The following ROR2 variants were observed in gnomAD, a reference collection of about 807,000 sequenced individuals.
The protein encoded by ROR2 is ROR family WNT receptor 2, also known as tyrosine-protein kinase transmembrane receptor ROR2.
A neutral mutation model predicts 74.9 loss-of-function variants in ROR2; 33 were observed. That is an observed-to-expected ratio of 0.44 (90% CI 0.33 to 0.59). The LOEUF (loss-of-function observed/expected upper bound fraction) is 0.59, where lower values mean the gene tolerates loss of function less well. ROR2 is among the 20% of genes least tolerant of loss of function. The pLI is 0.02. For synonymous variants in ROR2, 586 were observed against 558.7 expected (o/e 1.05, Z -0.69); for missense variants, 1,216 against 1,313.8 (o/e 0.93, Z 1.15).
intron 4 of ROR2, among the ~76,000 whole-genome samples, chr9:91,746,051 T>C (rs760156225): frequency 2.6e-5 from 4 of 151,986 alleles, no homozygotes; most frequent in Admixed American, 6.6e-5. Flanking sequence ...AGCAATAAGG[T>C]GGCTTGGTTT....
At chr9:91,937,217 C>T (rs190885101) in intron 1 of ROR2, among the ~76,000 whole-genome samples, 11 of 152,176 alleles carry the variant, frequency 7.2e-5, no homozygotes, top group South Asian at 2.1e-4. Context: ...GACCCAGAGG[C>T]GCCTGTGGAC....
intron 1 of ROR2, among the ~76,000 whole-genome samples, chr9:91,902,087 T>G (rs1014672293): frequency 1.2e-4 from 18 of 152,132 alleles, no homozygotes; most frequent in Non-Finnish European, 2.6e-4. Flanking sequence ...CTGGGGCTCA[T>G]GGAGATGAAA....
intron 1 of ROR2, among the ~76,000 whole-genome samples, chr9:91,787,841 G>A (rs1826851086): frequency 1.3e-5 from 2 of 152,222 alleles, no homozygotes; most frequent in South Asian, 4.1e-4. Flanking sequence ...TCCCTAAGAG[G>A]CCAAGATTTG....
At chr9:91,920,559 A>G (rs992547653) in intron 1 of ROR2, among the ~76,000 whole-genome samples, 1 of 152,212 alleles carries the variant, frequency 6.6e-6, no homozygotes, top group Non-Finnish European at 1.5e-5. Context: ...GGAGACATTC[A>G]GAAAGAGGCA....
chr9:91,895,799 G>A (rs1437509878), intron 1 of ROR2, among the ~76,000 whole-genome samples: 9 of 152,152 alleles, frequency 5.9e-5, no homozygotes, highest in Admixed American at 5.9e-4. Flanking sequence ...AGCCGAGATC[G>A]CGCCACTGCA....
chr9:91,837,598 A>G (rs1198269761), intron 1 of ROR2, among the ~76,000 whole-genome samples: 1 of 152,238 alleles, frequency 6.6e-6, no homozygotes, highest in African/African-American at 2.4e-5. Context: ...CTTGGGGAAG[A>G]AGGCCAATCA....
At chr9:91,835,047 T>G (rs1452428976) in intron 1 of ROR2, among the ~76,000 whole-genome samples, 2 of 152,162 alleles carry the variant, frequency 1.3e-5, no homozygotes, top group Admixed American at 6.5e-5. Context: ...GCCAGGCATG[T>G]CTTACAACAC....
At chr9:91,747,274 G>A (rs1336084501) in intron 4 of ROR2, among the ~76,000 whole-genome samples, 1 of 152,182 alleles carries the variant, frequency 6.6e-6, no homozygotes, top group Non-Finnish European at 1.5e-5. Context: ...GGATAGAAGG[G>A]AAAGCAATGT....
At position 91,862,794 on chromosome 9, in the gene ROR2, G is replaced by A. The variant is rs10992141; in HGVS notation, c.98-86976C>T. ...GGATTCCCAGCATCCAGAACTGTGA[G>A]AAATACATTTCTGTTGTTTAAGCCC... On this transcript the variant is annotated intron_variant, in intron 1 of 8. Transcript: ENST00000375708. Among the ~76,000 whole-genome samples, 121 of 152,362 alleles carry A rather than the reference G, an allele frequency of 7.9e-4. 2 individuals carry two copies. The East Asian group carries it at 0.022, about 27-fold the overall frequency.
At chr9:91,931,652 T>C (rs1564047614) in intron 1 of ROR2, among the ~76,000 whole-genome samples, 1 of 151,946 alleles carries the variant, frequency 6.6e-6, no homozygotes, top group Non-Finnish European at 1.5e-5. Flanking sequence ...AACCAAAACA[T>C]AGCAGATCAC....
chr9:91,728,421 C>CA (rs1443080611), intron 7 of ROR2, among the ~76,000 whole-genome samples: 1 of 150,502 alleles, frequency 6.6e-6, no homozygotes, highest in Non-Finnish European at 1.5e-5. Context: ...ATTTTTGAGA[C>CA]AGAGTGTTTG....
chr9:91,762,203 A>G (rs898180651), intron 2 of ROR2, among the ~76,000 whole-genome samples: 1 of 152,196 alleles, frequency 6.6e-6, no homozygotes, highest in Non-Finnish European at 1.5e-5. Flanking sequence ...CCGGTTTCCT[A>G]AGGACCTCTG....
rs117634012 is a variant in ROR2, at chr9:91,755,108, T to C, written c.494+963A>G. On this transcript the variant is annotated intron_variant, in intron 4 of 8. Coordinates refer to ENST00000375708, the MANE Select transcript of ROR2 (RefSeq NM_004560.4). ...AGTACAAGACTACAGTAAGCTGTGA[T>C]CGTGCCACTGCACTCCAGTCTGGGT... Among the ~76,000 whole-genome samples, 388 of 152,056 alleles carry C rather than the reference T, an allele frequency of 2.6e-3. 17 individuals are homozygous for C. In the East Asian group the frequency reaches 0.064, roughly 25 times the overall value.
rs921798237 is a variant in ROR2, at chr9:91,734,271, C to T, written c.623-835G>A. Among the ~76,000 whole-genome samples the T allele has an allele frequency of 1.4e-4, 21 of 152,106 alleles. 1 individual carries two copies. The highest frequency in any genetic ancestry group is 6.5e-4 in the Admixed American group (10 of 15,274). ...ATCAGCCTGCCCTGGGCTCACTACC[C>T]CATTTTCACCTGTGAAAGGCTGGCT... On this transcript the variant is annotated intron_variant, in intron 5 of 8. Transcript: ENST00000375708.
chr9:91,933,390 T>C (rs941786245), intron 1 of ROR2, among the ~76,000 whole-genome samples: 1 of 151,434 alleles, frequency 6.6e-6, no homozygotes, highest in Non-Finnish European at 1.5e-5. Context: ...AAAAAAAAAA[T>C]ATGTTTACAG....
chr9:91,795,654 G>C (rs556368920), intron 1 of ROR2, among the ~76,000 whole-genome samples: 1 of 152,196 alleles, frequency 6.6e-6, no homozygotes, highest in South Asian at 2.1e-4. Context: ...GGTTGTTTCC[G>C]AGCTTTTCCT....
At chr9:91,940,594 C>CT (rs570738211) in intron 1 of ROR2, among the ~76,000 whole-genome samples, 22,020 of 142,530 alleles carry the variant, frequency 0.15, 3,723 homozygotes, top group African/African-American at 0.43. Context: ...ACGTGCAATT[C>CT]TTTTTTTTTT....
intron 1 of ROR2, among the ~76,000 whole-genome samples, chr9:91,943,860 C>T (rs751275066): frequency 1.2e-4 from 19 of 152,070 alleles, no homozygotes; most frequent in Non-Finnish European, 2.1e-4. Context: ...CAAAAATATA[C>T]CAAAAAATGA....
chr9:91,836,922 T>A (rs1308067332), intron 1 of ROR2, among the ~76,000 whole-genome samples: 1 of 152,254 alleles, frequency 6.6e-6, no homozygotes, highest in African/African-American at 2.4e-5. Flanking sequence ...TAGCTGCAGA[T>A]TTTTGTTTGC....
Sources: gnomAD v4.1 joint callset for allele counts (sites outside exome capture counted in the v4.1 genomes callset) on GRCh38, gnomAD v4.1.1 for gene constraint, MANE v1.5 for transcripts, NCBI Gene and HGNC (gene_info 2026-07-23, HGNC 2026-07-21) for gene names.